SYNPO: variants seen among roughly 807,000 people sequenced by gnomAD.
The protein encoded by SYNPO is synaptopodin.
Under a neutral mutation model 49.5 loss-of-function variants are expected in SYNPO, and 19 were observed. The observed-to-expected ratio is 0.38, with a 90% CI of 0.27 to 0.56. SYNPO has a LOEUF of 0.56. Ranked by LOEUF, SYNPO falls within the 20% of genes least tolerant of loss-of-function variation. SYNPO has a pLI of 0.68. For synonymous variants in SYNPO, 536 were observed against 548.0 expected, an observed-to-expected ratio of 0.98 and a Z score of 0.31; for missense variants, 1,131 against 1,248.3, an observed-to-expected ratio of 0.91 and a Z score of 1.42.
chr5:150,633,247 G>GTGATCA (rs1757600291), intron 2 of SYNPO, among the ~76,000 whole-genome samples: 1 of 152,194 alleles, frequency 6.6e-6, no homozygotes, highest in African/African-American at 2.4e-5. Context: ...GCTGATCTGA[G>GTGATCA]CAATAACATA....
the SYNPO span, among the ~76,000 whole-genome samples, chr5:150,589,286 A>G: frequency 3.3e-5 from 5 of 150,814 alleles, no homozygotes; most frequent in Non-Finnish European, 4.4e-5. Context: ...CTGGTCTTGA[A>G]CTCCTGACCT....
intron 1 of SYNPO, among the ~76,000 whole-genome samples, chr5:150,609,902 G>GGT (rs760724076): frequency 1.8e-4 from 28 of 152,208 alleles, no homozygotes; most frequent in Non-Finnish European, 3.4e-4. Flanking sequence ...CCCATTTTCT[G>GGT]GTGTGGCCAA....
At position 150,645,131 on chromosome 5, in the gene SYNPO, T is replaced by C. The variant is rs1301426547; in HGVS notation, c.-332-2813T>C. Among the ~76,000 whole-genome samples, 5 of 152,278 alleles carry C rather than the reference T, an allele frequency of 3.3e-5. No individual in the cohort carries two copies. In the East Asian group the frequency reaches 9.6e-4, roughly 29 times the overall value. ...CCTGGGCTACTCTCTGGATCTCTGT[T>C]TCCCACCTATAAAACAGGGTGGTGA... On this transcript the variant is annotated intron_variant, in intron 1 of 2. Coordinates refer to ENST00000307662, the MANE Select transcript of SYNPO (RefSeq NM_007286.6).
intron 1 of SYNPO, among the ~76,000 whole-genome samples, chr5:150,607,454 T>C (rs1019396638): frequency 1.3e-5 from 2 of 152,214 alleles, no homozygotes; most frequent in Non-Finnish European, 2.9e-5. Flanking sequence ...TCAGTACCTA[T>C]TGAGGCACGT....
rs777626160 is a variant in SYNPO at position 150,650,198 on chromosome 5, C to T, written c.1923C>T (p.Tyr641=). The T allele has an allele frequency of 5.6e-6, 9 of 1,613,840 alleles. No homozygotes were observed. Among genetic ancestry groups the T allele is most frequent in the Non-Finnish European group, 7.6e-6 (9 of 1,180,024 alleles). Residue 641 remains tyrosine (Y), a synonymous_variant, in exon 2 of 3, where the codon TAC becomes TAT. Transcript: ENST00000307662. ...AGCCCACTGCCGTGAGCCCTCCTTA[C>T]GGCGGTGACATCTCCCCCGTGTCTC... The part of the protein sequence containing the change: ...SLQPTAVSPP[Y]GGDISPVSPS...
At chr5:150,603,242 G>T (rs1262708798) in intron 1 of SYNPO, among the ~76,000 whole-genome samples, 1 of 152,262 alleles carries the variant, frequency 6.6e-6, no homozygotes, top group Non-Finnish European at 1.5e-5. Context: ...TGGGTGGGTA[G>T]GCGAGAGGCC....
Position 150,610,929 on chromosome 5 carries a change from C to A in SYNPO, c.-265-7174C>A, listed in dbSNP as rs573323239. Among the ~76,000 whole-genome samples the A allele has an allele frequency of 3.3e-5, 5 of 152,174 alleles. No homozygotes were observed. The South Asian group carries it at 1.0e-3, about 32-fold the overall frequency. On this transcript the variant is annotated intron_variant, in intron 1 of 2. Coordinates refer to the SYNPO transcript ENST00000394243. ...ACAATTGAATAATCAGAATATTAGCCTAAGAAATATGTCTCCCAAGGGTTT... is the reference window on the plus strand; with the variant it reads ...ACAATTGAATAATCAGAATATTAGCATAAGAAATATGTCTCCCAAGGGTTT...
chr5:150,633,048 A>C (rs774771694), intron 2 of SYNPO, among the ~76,000 whole-genome samples: 6 of 152,186 alleles, frequency 3.9e-5, no homozygotes, highest in Non-Finnish European at 7.3e-5. Context: ...TAGGACTAGG[A>C]AAGAGCTGCT....
At chr5:150,593,003 T>C in the SYNPO span, among the ~76,000 whole-genome samples, 7 of 152,232 alleles carry the variant, frequency 4.6e-5, no homozygotes, top group African/African-American at 7.2e-5. Context: ...CTTCCTGTTA[T>C]GTCTCTGTAG....
In SYNPO at chr5:150,650,326, T is replaced by C; in HGVS notation, c.2028+23T>C. 1.9e-6 allele frequency: 3 copies of C among 1,613,896 alleles called. No homozygotes were observed. In the East Asian group the frequency reaches 6.7e-5, roughly 36 times the overall value. On this transcript the variant is annotated intron_variant, in intron 2 of 2. Coordinates refer to ENST00000307662, the MANE Select transcript of SYNPO (RefSeq NM_007286.6). Reference sequence around the variant, plus strand: ...CAGGTGTGGAAGCCTTCCTTCTGCTTCAAGTAACGAACCCCACGGGGGTCC... The same window carrying C: ...CAGGTGTGGAAGCCTTCCTTCTGCTCCAAGTAACGAACCCCACGGGGGTCC...
the SYNPO span, among the ~76,000 whole-genome samples, chr5:150,592,065 T>G: frequency 6.6e-6 from 1 of 152,084 alleles, no homozygotes; most frequent in African/African-American, 2.4e-5. Flanking sequence ...CTCGGGAGGC[T>G]GAGGTGGGAC....
chr5:150,588,422 G>C, the SYNPO span, among the ~76,000 whole-genome samples: 1 of 152,154 alleles, frequency 6.6e-6, no homozygotes, highest in African/African-American at 2.4e-5. Context: ...GTCTGCCAGG[G>C]GGAACTTCCC....
rs903054071 is a variant in SYNPO, at chr5:150,648,108, C to T, written c.-168C>T. On this transcript the variant is annotated 5_prime_UTR_variant, in exon 2 of 3. Coordinates refer to ENST00000307662, the MANE Select transcript of SYNPO (RefSeq NM_007286.6). This position sits in a 1 kb window ranked among gnomAD's most constrained non-coding sequence, Gnocchi z 5.0. ...GGTGAACGAGTTCACCTTGGAGAGC[C>T]ACGGCCAGAGGGGACAGAAGCCCAG... The T allele has an allele frequency of 3.2e-6, 5 of 1,551,750 alleles. No homozygotes were observed. Among genetic ancestry groups the T allele is most frequent in the Admixed American group, 3.9e-5 (2 of 51,004 alleles).
intron 2 of SYNPO, among the ~76,000 whole-genome samples, chr5:150,621,786 T>C (rs1018619700): frequency 1.3e-5 from 2 of 152,164 alleles, no homozygotes; most frequent in African/African-American, 4.8e-5. Flanking sequence ...CACAGGGCCC[T>C]GTGGGCAGGC....
intron 1 of SYNPO, among the ~76,000 whole-genome samples, chr5:150,646,321 A>G (rs889815994): frequency 2.0e-5 from 3 of 152,218 alleles, no homozygotes; most frequent in African/African-American, 7.2e-5. Context: ...CCTGGGCAAC[A>G]GAGCAAGACC....
At chr5:150,641,290 AGTGG>A (rs1757895486) in intron 1 of SYNPO, among the ~76,000 whole-genome samples, 1 of 152,208 alleles carries the variant, frequency 6.6e-6, no homozygotes, top group African/African-American at 2.4e-5. Context: ...GAGGTTGTGC[AGTGG>A]CCAGTCATTG....
chr5:150,624,814 CG>C, intron 2 of SYNPO: 1 of 970,258 alleles, frequency 1.0e-6, no homozygotes, highest in Non-Finnish European at 1.2e-6. Flanking sequence ...GCGGGGGTGG[CG>C]GGGACCTCGG....
At chr5:150,619,473 C>T (rs77746803) in intron 2 of SYNPO, among the ~76,000 whole-genome samples, 1,738 of 152,202 alleles carry the variant, frequency 0.011, 30 homozygotes, top group African/African-American at 0.039. Flanking sequence ...ACAGTGTGCG[C>T]GGCACGGAAG....
chr5:150,617,423 G>A (rs1757011813), intron 1 of SYNPO, among the ~76,000 whole-genome samples: 1 of 152,190 alleles, frequency 6.6e-6, no homozygotes, highest in Non-Finnish European at 1.5e-5. Flanking sequence ...AGCCTCCCAA[G>A]TAGCTGGGAT....
Sources: allele counts gnomAD v4.1 joint callset (sites outside exome capture counted in the v4.1 genomes callset), GRCh38; gene constraint gnomAD v4.1.1; non-coding constraint Gnocchi (gnomAD v3.1); transcripts MANE v1.5; gene names NCBI Gene and HGNC (gene_info 2026-07-23, HGNC 2026-07-21).